The following ITGAL variants were observed in gnomAD, a reference collection of about 807,000 sequenced individuals.
ITGAL encodes the protein integrin alpha-L.
Under a neutral mutation model 138.4 loss-of-function variants are expected in ITGAL, and 68 were observed. The ratio of observed to expected loss-of-function variants is 0.49; its 90% CI spans 0.40 to 0.60. The LOEUF is 0.60. ITGAL is among the 20% of genes least tolerant of loss of function. ITGAL has a pLI of 0.00. For missense variants in ITGAL, 1,256 were observed against 1,478.6 expected, an observed-to-expected ratio of 0.85 and a Z score of 2.47; for synonymous variants, 561 against 584.3, an observed-to-expected ratio of 0.96 and a Z score of 0.57.
Position 30,494,901 on chromosome 16 carries a change from C to A in ITGAL, c.1503+51C>A. The A allele has an allele frequency of 6.6e-7, 1 of 1,526,432 alleles. No individual in the cohort carries two copies. Among genetic ancestry groups the A allele is most frequent in the South Asian group, 1.2e-5 (1 of 80,960 alleles). The allele number at this position is 1,526,432 out of a possible 1,614,324, so 94.6% of individuals were successfully genotyped here. On this transcript the variant is annotated intron_variant, in intron 13 of 30. Coordinates refer to ENST00000356798, the MANE Select transcript of ITGAL (RefSeq NM_002209.3). This position sits in a 1 kb window ranked among gnomAD's most constrained non-coding sequence, Gnocchi z 4.2. ...GGGAGGAGGGAGAGCAGCAGAGATT[C>A]GCAGCTCCCAGTTATTCTGAAGGCT...
chr16:30,489,770 T>TTAGTAG (rs1157532767), intron 11 of ITGAL, among the ~76,000 whole-genome samples: 1 of 151,768 alleles, frequency 6.6e-6, no homozygotes, highest in Non-Finnish European at 1.5e-5. Flanking sequence ...ACCCTGTCTC[T>TTAGTAG]ACTAAAAATA....
rs770391637 is a variant in ITGAL, at chr16:30,483,789, T to C, written c.723-38T>C. On this transcript the variant is annotated intron_variant, in intron 7 of 30. Coordinates refer to ENST00000356798, the MANE Select transcript of ITGAL (RefSeq NM_002209.3). ...GGGGAAAGAGACCTCAGGCCCTAGT[T>C]TGGGGGAGTCTCTCATCTCCTCCTT... is the stretch of plus-strand genomic sequence containing the variant. The C allele has an allele frequency of 3.4e-5, 54 of 1,579,090 alleles. No individual in the cohort carries two copies. The South Asian group carries it at 5.4e-4, about 16-fold the overall frequency.
chr16:30,484,336 T>C (rs7197010), intron 9 of ITGAL, 73 bp downstream of exon 9: 878,351 of 1,482,576 alleles, frequency 0.59, 267,723 homozygotes, highest in East Asian at 0.99. Flanking sequence ...AGGCCGGGCT[T>C]GGTGGCTCAC....
chr16:30,495,464 C>A (rs986353783), intron 13 of ITGAL, among the ~76,000 whole-genome samples: 15 of 152,094 alleles, frequency 9.9e-5, no homozygotes, highest in Non-Finnish European at 2.1e-4. Context: ...TGGTAGGCAG[C>A]GCCAAACTTT....
At chr16:30,487,683 A>G (rs1431415300) in intron 9 of ITGAL, among the ~76,000 whole-genome samples, 1 of 145,630 alleles carries the variant, frequency 6.9e-6, no homozygotes, top group Non-Finnish European at 1.5e-5. Context: ...AAGTGCTAGG[A>G]TTACAGGTGT....
At chr16:30,489,232 G>T (rs749662974) in intron 10 of ITGAL, 22 bp from the exon 11 acceptor site, 11 of 1,613,588 alleles carry the variant, frequency 6.8e-6, no homozygotes, top group South Asian at 2.2e-5. Flanking sequence ...TAGCTGACCC[G>T]CTCATCTCCT....
At chr16:30,481,650 G>T in intron 7 of ITGAL, 66 bp downstream of exon 7, 1 of 1,498,486 alleles carries the variant, frequency 6.7e-7, no homozygotes, top group East Asian at 2.3e-5. Flanking sequence ...CCCACTTCCA[G>T]CTGCAGGGCA....
chr16:30,505,233 C>T lies in ITGAL; in HGVS notation c.2236-11C>T, dbSNP rs371197527. On this transcript the variant is annotated splice_polypyrimidine_tract_variant and intron_variant, in intron 18 of 30. Transcript: ENST00000356798. Reference sequence around the variant, plus strand: ...CTCCTCTCTCCATCCTGCCCACTACCCCTCGCTCAGCAGGGCAAGGACATA... The same window carrying T: ...CTCCTCTCTCCATCCTGCCCACTACTCCTCGCTCAGCAGGGCAAGGACATA... 4.4e-6 allele frequency: 7 copies of T among 1,588,538 alleles called. No individual in the cohort carries two copies. The South Asian group carries it at 4.5e-5, about 10-fold the overall frequency.
chr16:30,504,581 G>C (rs1038447903), intron 18 of ITGAL, among the ~76,000 whole-genome samples: 1 of 151,904 alleles, frequency 6.6e-6, no homozygotes, highest in Non-Finnish European at 1.5e-5. Flanking sequence ...CGCCCCTGTA[G>C]TCCCAGCTAC....
chr16:30,473,738 G>A (rs923300763), intron 1 of ITGAL, among the ~76,000 whole-genome samples: 1 of 152,132 alleles, frequency 6.6e-6, no homozygotes, highest in Non-Finnish European at 1.5e-5. Flanking sequence ...GGCCCGGTGG[G>A]GTGGGGAGGC....
At chr16:30,491,156 T>A (rs2050719028) in intron 11 of ITGAL, among the ~76,000 whole-genome samples, 1 of 151,522 alleles carries the variant, frequency 6.6e-6, no homozygotes, top group Non-Finnish European at 1.5e-5. Flanking sequence ...ATCCCAGCAC[T>A]TTGGGAAGCT....
At chr16:30,501,944 G>A (rs572674361) in intron 17 of ITGAL, among the ~76,000 whole-genome samples, 103 of 150,626 alleles carry the variant, frequency 6.8e-4, no homozygotes, top group Non-Finnish European at 1.1e-3. Context: ...GAAGCAGGAG[G>A]ATTGCTTGAA....
chr16:30,516,838 A>C, intron 25 of ITGAL, 135 bp from the exon 26 acceptor site: 1 of 717,404 alleles, frequency 1.4e-6, no homozygotes. Flanking sequence ...CAGTCACTGG[A>C]CACTGCCTAA....
intron 7 of ITGAL, among the ~76,000 whole-genome samples, chr16:30,483,554 G>A (rs1303304180): frequency 1.3e-5 from 2 of 152,190 alleles, no homozygotes; most frequent in East Asian, 3.9e-4. Flanking sequence ...GAAGCCCAGA[G>A]TCATTCCTCA....
chr16:30,482,010 G>T (rs896266540), intron 7 of ITGAL, among the ~76,000 whole-genome samples: 3 of 151,842 alleles, frequency 2.0e-5, no homozygotes, highest in Non-Finnish European at 4.4e-5. Flanking sequence ...TCCTGCCTCC[G>T]CCTTTCAAGT....
In ITGAL at chr16:30,483,822, C is replaced by G; in HGVS notation, c.723-5C>G. ...GTCTCTCATCTCCTCCTTTCCTGGACACAGGACAGAGGTGTTCCGGGAGGA... is the reference window on the plus strand; with the variant it reads ...GTCTCTCATCTCCTCCTTTCCTGGAGACAGGACAGAGGTGTTCCGGGAGGA... On this transcript the variant is annotated splice_region_variant and splice_polypyrimidine_tract_variant and intron_variant, in intron 7 of 30. Transcript: ENST00000356798. 1 of 1,608,922 alleles carries G rather than the reference C, an allele frequency of 6.2e-7. No homozygotes were observed. The highest frequency in any genetic ancestry group is 8.5e-7 in the Non-Finnish European group (1 of 1,176,528).
chr16:30,515,660 C>T (rs1269340625), intron 25 of ITGAL, among the ~76,000 whole-genome samples: 1 of 152,162 alleles, frequency 6.6e-6, no homozygotes, highest in African/African-American at 2.4e-5. Flanking sequence ...TGCCCTCTCC[C>T]ACCTTCATCT....
intron 9 of ITGAL, chr16:30,488,868 C>T (rs960975956): frequency 5.4e-6 from 3 of 557,138 alleles, no homozygotes; most frequent in East Asian, 3.2e-5. Flanking sequence ...CAGAGCAAGA[C>T]CTTGTTTCAA....
chr16:30,515,565 C>G (rs757835596), intron 25 of ITGAL, among the ~76,000 whole-genome samples: 17 of 152,212 alleles, frequency 1.1e-4, no homozygotes, highest in Non-Finnish European at 2.2e-4. Context: ...AGCCTCAGCT[C>G]CTGTTCTCCT....
Sources: allele counts gnomAD v4.1 joint callset (sites outside exome capture counted in the v4.1 genomes callset), GRCh38; gene constraint gnomAD v4.1.1; non-coding constraint Gnocchi (gnomAD v3.1); transcripts MANE v1.5; gene names NCBI Gene and HGNC (gene_info 2026-07-23, HGNC 2026-07-21).